PPP2R1B: variants seen among roughly 807,000 people sequenced by gnomAD.
PPP2R1B encodes serine/threonine-protein phosphatase 2A 65 kDa regulatory subunit A beta isoform.
PPP2R1B carries 58 observed loss-of-function variants against 72.7 expected under a neutral mutation model. The observed-to-expected ratio is 0.80, with a 90% CI of 0.65 to 0.99. The LOEUF is 0.99. PPP2R1B is among the 50% of genes least tolerant of loss of function. The pLI, the probability that PPP2R1B is intolerant of heterozygous loss-of-function variation, is 0.00. For missense variants in PPP2R1B, 695 were observed against 733.6 expected (o/e 0.95, Z 0.61); for synonymous variants, 256 against 264.6 (o/e 0.97, Z 0.32).
chr11:111,733,653 CCCA>C (rs1944260318), downstream of PPP2R1B, among the ~76,000 whole-genome samples: 1 of 152,112 alleles, frequency 6.6e-6, no homozygotes, highest in Non-Finnish European at 1.5e-5. Flanking sequence ...GGAGGAAAAG[CCCA>C]CCAAGCCCTT....
At chr11:111,760,242 T>C (rs1413753582) in intron 4 of PPP2R1B, among the ~76,000 whole-genome samples, 3 of 152,206 alleles carry the variant, frequency 2.0e-5, no homozygotes, top group Non-Finnish European at 4.4e-5. Context: ...AGACCCTATC[T>C]ATATGCCAAA....
At position 111,740,402 on chromosome 11, in the gene PPP2R1B, T is replaced by C; in HGVS notation, c.*1194A>G. 1.1e-6 allele frequency: 1 copy of C among 938,050 alleles called. No individual in the cohort carries two copies. The highest frequency in any genetic ancestry group is 1.3e-6 in the Non-Finnish European group (1 of 787,152). 58.1% of individuals were successfully genotyped at this position (938,050 alleles called of 1,614,324 possible). ...CCAGCTAACTTTTTTGTATTTTTAG[T>C]AGAGATGGGGTTTCACCATGTTGGT... On this transcript the variant is annotated 3_prime_UTR_variant, in exon 15 of 15. Coordinates refer to ENST00000527614, the MANE Select transcript of PPP2R1B (RefSeq NM_002716.5).
the PPP2R1B span, chr11:111,705,024 T>C: frequency 6.2e-7 from 1 of 1,608,764 alleles, no homozygotes; most frequent in Non-Finnish European, 8.5e-7. The surrounding 1 kb of genome is among the most constrained non-coding windows in gnomAD (Gnocchi z 4.3). Context: ...TTTGCTGCCA[T>C]TTATTTCTTG....
chr11:111,739,542 GCCCACTCTCC>G lies in PPP2R1B; in HGVS notation c.*2044_*2053del. The G allele has an allele frequency of 1.0e-6, 1 of 985,352 alleles. No individual in the cohort carries two copies. Among genetic ancestry groups the G allele is most frequent in the Non-Finnish European group, 1.2e-6 (1 of 829,936 alleles). The allele number at this position is 985,352 out of a possible 1,614,324, so 61.0% of individuals were successfully genotyped here. A position where few individuals can be genotyped will look rare whatever the true frequency, so the allele number is the denominator to read the frequency against. On this transcript the variant is annotated 3_prime_UTR_variant, in exon 15 of 15. Coordinates refer to ENST00000527614, the MANE Select transcript of PPP2R1B (RefSeq NM_002716.5). ...CCGACCCATGCTTGAGAAAGCCAGGGCCCACTCTCCCTCTCTCAAACAGTTTTAGGGTAGA... is the reference window on the plus strand; with the variant it reads ...CCGACCCATGCTTGAGAAAGCCAGGGCTCTCTCAAACAGTTTTAGGGTAGA...
chr11:111,694,801 AT>A, the PPP2R1B span, among the ~76,000 whole-genome samples: 2 of 151,266 alleles, frequency 1.3e-5, no homozygotes, highest in South Asian at 2.1e-4. Context: ...GTTTGATTTG[AT>A]TTTTTTTTCC....
At chr11:111,692,078 C>T in the PPP2R1B span, among the ~76,000 whole-genome samples, 2 of 151,792 alleles carry the variant, frequency 1.3e-5, no homozygotes, top group South Asian at 2.1e-4. Context: ...AGGCCAGGCT[C>T]GGTGGCTTAT....
In PPP2R1B at chr11:111,766,305, A is replaced by G. The variant is rs1001900817; in HGVS notation, c.57T>C (p.Asp19=). The change falls in exon 1 of 15, where the codon GAT becomes GAC. Residue 19 remains aspartate, a synonymous_variant. Coordinates refer to ENST00000527614, the MANE Select transcript of PPP2R1B (RefSeq NM_002716.5). Reference sequence around the variant, plus strand: ...AAACCGCGATCGGGTATAGCGAATCATCTCCATCTCCACCCGCTGCTCCTG... The same window carrying G: ...AAACCGCGATCGGGTATAGCGAATCGTCTCCATCTCCACCCGCTGCTCCTG... The part of the protein sequence containing the change: ...TGPGAAGGDG[D]DSLYPIAVLI... The G allele has an allele frequency of 3.8e-6, 6 of 1,574,850 alleles. No homozygotes were observed. The highest frequency in any genetic ancestry group is 4.3e-6 in the Non-Finnish European group (5 of 1,164,002).
At chr11:111,718,482 C>T in the PPP2R1B span, among the ~76,000 whole-genome samples, 1,672 of 152,314 alleles carry the variant, frequency 0.011, 50 homozygotes, top group Admixed American at 0.058. Context: ...GACCGCTCAT[C>T]GCTTTAAAAC....
intron 11 of PPP2R1B, 95 bp downstream of exon 11, chr11:111,747,859 C>T: frequency 8.4e-7 from 1 of 1,187,818 alleles, no homozygotes; most frequent in Non-Finnish European, 1.2e-6. Context: ...AATATTAAGG[C>T]AAAATATCTG....
chr11:111,746,291 C>A (rs1944701108), intron 11 of PPP2R1B, among the ~76,000 whole-genome samples: 1 of 152,066 alleles, frequency 6.6e-6, no homozygotes, highest in Admixed American at 6.6e-5. Context: ...TACTATGCGG[C>A]CATAAAAAAG....
chr11:111,705,966 A>G, the PPP2R1B span, among the ~76,000 whole-genome samples: 1 of 152,206 alleles, frequency 6.6e-6, no homozygotes, highest in African/African-American at 2.4e-5. This position sits in a 1 kb window ranked among gnomAD's most constrained non-coding sequence, Gnocchi z 4.3. Flanking sequence ...GAACCATCTT[A>G]GAGGTAGACT....
At chr11:111,736,666 C>A (rs1294871760), downstream of PPP2R1B, among the ~76,000 whole-genome samples, 7 of 152,096 alleles carry the variant, frequency 4.6e-5, no homozygotes, top group African/African-American at 1.4e-4. Context: ...TGGACCTCAA[C>A]AAAAGGCAAA....
At chr11:111,725,764 A>C (rs868426362), downstream of PPP2R1B, 56 of 152,626 alleles carry the variant, frequency 3.7e-4, no homozygotes, top group African/African-American at 1.3e-3. Context: ...TGGCCATGCG[A>C]GCCCAGCTCC....
downstream of PPP2R1B, among the ~76,000 whole-genome samples, chr11:111,736,517 C>G (rs1944345371): frequency 6.6e-6 from 1 of 152,178 alleles, no homozygotes; most frequent in Non-Finnish European, 1.5e-5. Flanking sequence ...GCTGGCCACC[C>G]CTGGAATCCA....
chr11:111,688,277 T>C, the PPP2R1B span: 1 of 973,150 alleles, frequency 1.0e-6, no homozygotes, highest in East Asian at 2.4e-5. The surrounding 1 kb of genome is among the most constrained non-coding windows in gnomAD (Gnocchi z 4.2). Context: ...GACATCAGGC[T>C]ATCTCAAAGT....
intron 3 of PPP2R1B, among the ~76,000 whole-genome samples, chr11:111,763,953 A>C (rs1555052196): frequency 6.6e-6 from 1 of 152,116 alleles, no homozygotes; most frequent in East Asian, 1.9e-4. Flanking sequence ...AGAAATCACA[A>C]GAATCAGTAT....
intron 4 of PPP2R1B, 80 bp from the exon 5 acceptor site, chr11:111,760,031 T>C (rs1591709131): frequency 7.0e-7 from 1 of 1,423,942 alleles, no homozygotes; most frequent in Non-Finnish European, 9.5e-7. Flanking sequence ...GACAGACTTT[T>C]AGAGGTTTTA....
At chr11:111,701,453 G>A in the PPP2R1B span, 1 of 1,613,554 alleles carries the variant, frequency 6.2e-7, no homozygotes, top group Non-Finnish European at 8.5e-7. The surrounding 1 kb of genome is among the most constrained non-coding windows in gnomAD (Gnocchi z 4.2). Flanking sequence ...CTTCCCTAGA[G>A]TATGGGAGTT....
downstream of PPP2R1B, chr11:111,724,458 T>G: frequency 3.1e-6 from 1 of 318,056 alleles, no homozygotes; most frequent in South Asian, 4.9e-5. Flanking sequence ...CAGGATTACA[T>G]CCGTTTATTA....
Sources: allele counts gnomAD v4.1 joint callset (sites outside exome capture counted in the v4.1 genomes callset), GRCh38; gene constraint gnomAD v4.1.1; non-coding constraint Gnocchi (gnomAD v3.1); transcripts MANE v1.5; gene names NCBI Gene and HGNC (gene_info 2026-07-23, HGNC 2026-07-21).